NXN: variants seen among roughly 807,000 people sequenced by gnomAD.
NXN encodes nucleoredoxin 1.
Under a neutral mutation model 48.6 loss-of-function variants are expected in NXN, and 16 were observed. The observed-to-expected ratio is 0.33, with a 90% CI of 0.22 to 0.50. The LOEUF is 0.50. Ranked by LOEUF, NXN falls within the 20% of genes least tolerant of loss-of-function variation. The pLI is 0.98. For synonymous variants in NXN, 281 were observed against 269.6 expected (o/e 1.04, Z -0.41); for missense variants, 492 against 605.5 (o/e 0.81, Z 1.97).
At chr17:861,082 G>C (rs1415290484) in intron 1 of NXN, among the ~76,000 whole-genome samples, 2 of 152,172 alleles carry the variant, frequency 1.3e-5, no homozygotes, top group African/African-American at 4.8e-5. Flanking sequence ...AGCTGGTTCT[G>C]AGTGCAACAT....
rs1015752103 is a variant in NXN, at chr17:914,103, T to C, written c.360+65216A>G. ...TTAATAGAGACAGGGTTTCGCCACA[T>C]TGGCCAGGCTGCTCTCGAACTCCCA... On this transcript the variant is annotated intron_variant, in intron 1 of 7. Transcript: ENST00000336868. Among the ~76,000 whole-genome samples the C allele has an allele frequency of 3.9e-5, 6 of 152,238 alleles. No individual in the cohort carries two copies. In the East Asian group the frequency reaches 7.7e-4, roughly 20 times the overall value.
intron 1 of NXN, chr17:959,019 C>T (rs895278627): frequency 6.1e-5 from 15 of 244,366 alleles, no homozygotes; most frequent in South Asian, 3.4e-4. Flanking sequence ...CGGATGTGCG[C>T]GGAGCCGAGG....
intron 1 of NXN, among the ~76,000 whole-genome samples, chr17:918,061 T>C (rs544616865): frequency 2.0e-5 from 3 of 152,256 alleles, no homozygotes; most frequent in Admixed American, 6.5e-5. Context: ...GTTTTAAAAG[T>C]TGTGTGTCTA....
chr17:950,376 C>T (rs1212905010), intron 1 of NXN, among the ~76,000 whole-genome samples: 2 of 152,126 alleles, frequency 1.3e-5, no homozygotes, highest in Non-Finnish European at 2.9e-5. Flanking sequence ...TAAATCCCAA[C>T]GAGAAAGGAT....
At chr17:813,079 T>C (rs1405798435) in intron 5 of NXN, among the ~76,000 whole-genome samples, 4 of 152,208 alleles carry the variant, frequency 2.6e-5, no homozygotes, top group African/African-American at 4.8e-5. Flanking sequence ...CTGGAACACG[T>C]CCACTGAATG....
rs143527077 is a variant in NXN, at chr17:943,876, T to C, written c.360+35443A>G. ...ACAGTAAATTATGTTATGTATATTCTACCACAATTCTTAAAATAATGTTTT... is the reference window on the plus strand; with the variant it reads ...ACAGTAAATTATGTTATGTATATTCCACCACAATTCTTAAAATAATGTTTT... On this transcript the variant is annotated intron_variant, in intron 1 of 7. Coordinates refer to ENST00000336868, the MANE Select transcript of NXN (RefSeq NM_022463.5). Among the ~76,000 whole-genome samples, 806 of 152,038 alleles carry C rather than the reference T, an allele frequency of 5.3e-3. 8 individuals carry two copies. Among genetic ancestry groups the C allele is most frequent in the African/African-American group, 0.018 (754 of 41,472 alleles).
At chr17:939,929 C>T (rs943346515) in intron 1 of NXN, among the ~76,000 whole-genome samples, 4 of 147,714 alleles carry the variant, frequency 2.7e-5, no homozygotes, top group African/African-American at 5.0e-5. Flanking sequence ...AGTCAACTCC[C>T]GCTTCCAGTA....
chr17:819,246 T>C lies in NXN; in HGVS notation c.820+193A>G, dbSNP rs567999993. On this transcript the variant is annotated intron_variant, in intron 5 of 7. Coordinates refer to ENST00000336868, the MANE Select transcript of NXN (RefSeq NM_022463.5). Reference sequence around the variant, plus strand: ...ACAGTGTGAGCTGCCATGCCCGGCCTGACAATACTTATTTTTTAAAAATGG... The same window carrying C: ...ACAGTGTGAGCTGCCATGCCCGGCCCGACAATACTTATTTTTTAAAAATGG... 1.7e-4 allele frequency: 107 copies of C among 614,390 alleles called. No individual in the cohort carries two copies. In the African/African-American group the frequency reaches 1.8e-3, roughly 10 times the overall value. 38.1% of individuals were successfully genotyped at this position (614,390 alleles called of 1,614,324 possible). A position where few individuals can be genotyped will look rare whatever the true frequency, so the allele number is the denominator to read the frequency against.
chr17:895,779 C>T (rs538623465), intron 1 of NXN, among the ~76,000 whole-genome samples: 118 of 45,288 alleles, frequency 2.6e-3, no homozygotes, highest in African/African-American at 3.9e-3. Flanking sequence ...GATCGCACCA[C>T]TGCACTCCAG....
At chr17:859,257 C>T (rs1215295582) in intron 1 of NXN, among the ~76,000 whole-genome samples, 6 of 152,212 alleles carry the variant, frequency 3.9e-5, no homozygotes, top group South Asian at 4.2e-4. Context: ...CCACGCTGAC[C>T]GATAGTTCAA....
chr17:837,540 C>G (rs1913893890), intron 1 of NXN, among the ~76,000 whole-genome samples: 2 of 152,230 alleles, frequency 1.3e-5, no homozygotes, highest in African/African-American at 4.8e-5. Flanking sequence ...AACAGATGCC[C>G]CCTAATCAGT....
chr17:803,459 C>T (rs1389633446), intron 7 of NXN, among the ~76,000 whole-genome samples: 1 of 152,222 alleles, frequency 6.6e-6, no homozygotes, highest in Non-Finnish European at 1.5e-5. Flanking sequence ...CCCTGCTGAC[C>T]TGAGGCTGCC....
intron 1 of NXN, among the ~76,000 whole-genome samples, chr17:895,979 G>T (rs1486185196): frequency 6.6e-6 from 1 of 151,970 alleles, no homozygotes. Flanking sequence ...AGGCTGAGGT[G>T]GGGAGGATTG....
At chr17:895,803 T>C (rs376202477) in intron 1 of NXN, among the ~76,000 whole-genome samples, 139,439 of 146,896 alleles carry the variant, frequency 0.95, 66,357 homozygotes, top group Middle Eastern at 0.99. Context: ...GGGTTTTGTT[T>C]GTCTCAAAAA....
intron 1 of NXN, among the ~76,000 whole-genome samples, chr17:841,699 C>CACGGGCGA (rs1914329858): frequency 7.0e-6 from 1 of 142,416 alleles, no homozygotes; most frequent in Non-Finnish European, 1.5e-5. Context: ...GCACATCTCA[C>CACGGGCGA]GCCGGTGAGC....
At chr17:927,816 ACTC>A (rs1364097199) in intron 1 of NXN, among the ~76,000 whole-genome samples, 3 of 151,632 alleles carry the variant, frequency 2.0e-5, no homozygotes, top group African/African-American at 7.3e-5. Context: ...TTTCAAAAGA[ACTC>A]CTAGAGACAG....
At chr17:847,014 G>A (rs901753918) in intron 1 of NXN, among the ~76,000 whole-genome samples, 5 of 152,200 alleles carry the variant, frequency 3.3e-5, no homozygotes, top group East Asian at 1.9e-4. Context: ...AGCGCCTACC[G>A]CCCCAAATGC....
intron 1 of NXN, among the ~76,000 whole-genome samples, chr17:952,108 A>T (rs1474474869): frequency 1.3e-5 from 2 of 151,282 alleles, no homozygotes; most frequent in Non-Finnish European, 2.9e-5. Flanking sequence ...TGAGAAACTC[A>T]TGACAGTTAC....
At chr17:841,029 G>A (rs573290822) in intron 1 of NXN, among the ~76,000 whole-genome samples, 5 of 152,294 alleles carry the variant, frequency 3.3e-5, no homozygotes, top group Middle Eastern at 3.4e-3. Context: ...GCTTGGGTTC[G>A]AATCCCGGCT....
Sources: allele counts gnomAD v4.1 joint callset (sites outside exome capture counted in the v4.1 genomes callset), GRCh38; gene constraint gnomAD v4.1.1; transcripts MANE v1.5; gene names NCBI Gene and HGNC (gene_info 2026-07-23, HGNC 2026-07-21).